Variants in NTF3 observed in about 807,000 individuals in gnomAD.
NTF3 encodes neurotrophin 3, also known as neurotrophin-3.
In NTF3, 8 loss-of-function variants were observed where a neutral mutation model predicts 26.3. That is an observed-to-expected ratio of 0.30 (90% CI 0.18 to 0.55). The LOEUF (loss-of-function observed/expected upper bound fraction) is 0.55, where lower values mean the gene tolerates loss of function less well. Ranked by LOEUF, NTF3 falls within the 20% of genes least tolerant of loss-of-function variation. NTF3 has a pLI of 0.93. For synonymous variants in NTF3, 154 were observed against 145.5 expected (o/e 1.06, Z -0.42); for missense variants, 276 against 352.9 (o/e 0.78, Z 1.75).
At chr12:5,482,378 G>A (rs753240450) in intron 1 of NTF3, among the ~76,000 whole-genome samples, 6 of 152,276 alleles carry the variant, frequency 3.9e-5, no homozygotes, top group East Asian at 1.9e-4. Context: ...CTGAGTGCCC[G>A]TGCCTTCGTC....
At chr12:5,431,988 C>CGCG (rs1940095882), upstream of NTF3, 1 of 149,114 alleles carries the variant, frequency 6.7e-6, no homozygotes, top group African/African-American at 2.5e-5. Flanking sequence ...GGCGCGGGCG[C>CGCG]GCGCGGCGCG....
At chr12:5,483,110 T>C (rs1940827621) in intron 1 of NTF3, among the ~76,000 whole-genome samples, 1 of 151,874 alleles carries the variant, frequency 6.6e-6, no homozygotes, top group African/African-American at 2.4e-5. Flanking sequence ...TCTCCCTCAG[T>C]CTCTCTCTGT....
chr12:5,453,226 A>G lies in NTF3; in HGVS notation c.18+20884A>G, dbSNP rs573788860. Among the ~76,000 whole-genome samples, 3 of 152,200 alleles carry G rather than the reference A, an allele frequency of 2.0e-5. No individual in the cohort carries two copies. In the East Asian group the frequency reaches 5.8e-4, roughly 29 times the overall value. On this transcript the variant is annotated intron_variant, in intron 1 of 1. Coordinates refer to ENST00000423158, the MANE Select transcript of NTF3 (RefSeq NM_001102654.2). ...ACAATGATGAACATTTTTGATACCT[A>G]TTTTCCTATTGTTTTGACTCTCAAA...
intron 1 of NTF3, among the ~76,000 whole-genome samples, chr12:5,452,096 C>CTTTTTTTT (rs56032205): frequency 1.6e-5 from 2 of 127,016 alleles, no homozygotes; most frequent in African/African-American, 5.9e-5. Flanking sequence ...TTTTTCTTTT[C>CTTTTTTTT]TTTTTTTTTT....
At chr12:5,478,963 C>T (rs73259353) in intron 1 of NTF3, among the ~76,000 whole-genome samples, 10,833 of 152,272 alleles carry the variant, frequency 0.071, 523 homozygotes, top group African/African-American at 0.14. Flanking sequence ...TTGCCAAGCC[C>T]GTCAGCACAA....
intron 1 of NTF3, among the ~76,000 whole-genome samples, chr12:5,453,740 T>A (rs985815071): frequency 6.6e-6 from 1 of 152,198 alleles, no homozygotes; most frequent in Admixed American, 6.5e-5. Context: ...AGGGGCCATC[T>A]GTCGTGAAGG....
chr12:5,466,137 G>A (rs1287951785), intron 1 of NTF3, among the ~76,000 whole-genome samples: 1 of 152,170 alleles, frequency 6.6e-6, no homozygotes, highest in Non-Finnish European at 1.5e-5. Flanking sequence ...GCAGCCCTTG[G>A]CACAGTCTTC....
intron 1 of NTF3, among the ~76,000 whole-genome samples, chr12:5,491,716 C>CTTTTTT (rs5796156): frequency 1.2e-4 from 12 of 98,246 alleles, no homozygotes; most frequent in South Asian, 4.2e-4. Context: ...CTCTCCTCTT[C>CTTTTTT]TTTTTTTTTT....
chr12:5,487,913 T>C (rs1940886916), intron 1 of NTF3, among the ~76,000 whole-genome samples: 1 of 152,206 alleles, frequency 6.6e-6, no homozygotes, highest in South Asian at 2.1e-4. Context: ...CTTTAGAGCA[T>C]GTGCGTCAGC....
chr12:5,475,457 A>G (rs1195179835), intron 1 of NTF3, among the ~76,000 whole-genome samples: 1 of 152,168 alleles, frequency 6.6e-6, no homozygotes, highest in African/African-American at 2.4e-5. Context: ...TTATATGACA[A>G]CTATTTTATT....
rs1370579006 is a variant in NTF3, at chr12:5,494,647, C to T, written c.472C>T (p.His158Tyr). The T allele has an allele frequency of 6.2e-7, 1 of 1,614,180 alleles. No homozygotes were observed. The highest frequency in any genetic ancestry group is 1.7e-5 in the Admixed American group (1 of 60,020). The change falls in exon 2 of 2, where the codon CAC (histidine) becomes TAC (tyrosine). Residue 158 changes from histidine (H) to tyrosine (Y), a missense_variant. By Grantham distance (83) the His-to-Tyr change is moderately conservative (BLOSUM62 2). Coordinates refer to ENST00000423158, the MANE Select transcript of NTF3 (RefSeq NM_001102654.2). The surrounding 1 kb of genome is among the most constrained non-coding windows in gnomAD (Gnocchi z 8.3). ...GAAACGGTACGCGGAGCATAAGAGT[C>T]ACCGAGGGGAGTACTCGGTATGTGA... is the stretch of plus-strand genomic sequence containing the variant. ...RRKRYAEHKS[H>Y]RGEYSVCDSE...
chr12:5,453,845 T>C (rs1940404296), intron 1 of NTF3, among the ~76,000 whole-genome samples: 1 of 152,144 alleles, frequency 6.6e-6, no homozygotes, highest in Admixed American at 6.5e-5. Context: ...TGGAGAACTG[T>C]GTAGGGTAGA....
rs557516675 is a variant in NTF3 at position 5,452,119 on chromosome 12, C to T, written c.18+19777C>T. Among the ~76,000 whole-genome samples the T allele has an allele frequency of 8.0e-4, 109 of 135,656 alleles. 1 individual carries two copies. In the East Asian group the frequency reaches 0.021, roughly 26 times the overall value. 89.0% of individuals were successfully genotyped at this position (135,656 alleles called of 152,430 possible). ...TTCTTTTTTTTTTTTTTTTTGTTGA[C>T]GGAGTCTCACTCTCTTGCCGGGCTG... On this transcript the variant is annotated intron_variant, in intron 1 of 1. Coordinates refer to ENST00000423158, the MANE Select transcript of NTF3 (RefSeq NM_001102654.2).
intron 1 of NTF3, among the ~76,000 whole-genome samples, chr12:5,462,295 T>G (rs1187531333): frequency 6.6e-6 from 1 of 152,226 alleles, no homozygotes; most frequent in African/African-American, 2.4e-5. Context: ...ATTACCAATT[T>G]GCCATCTCTA....
At chr12:5,481,924 C>G (rs1463411772) in intron 1 of NTF3, among the ~76,000 whole-genome samples, 1 of 151,618 alleles carries the variant, frequency 6.6e-6, no homozygotes. Context: ...CGGGCTTACA[C>G]AGACACCACA....
At chr12:5,460,793 C>A (rs1259162889) in intron 1 of NTF3, among the ~76,000 whole-genome samples, 3 of 152,188 alleles carry the variant, frequency 2.0e-5, no homozygotes, top group Non-Finnish European at 4.4e-5. Flanking sequence ...CATTTCTTTC[C>A]CTTAATACCA....
At chr12:5,462,538 C>T (rs879490334) in intron 1 of NTF3, among the ~76,000 whole-genome samples, 1 of 152,178 alleles carries the variant, frequency 6.6e-6, no homozygotes, top group Admixed American at 6.5e-5. Context: ...TGTAAGCACC[C>T]AGCAAGTGAT....
chr12:5,459,768 A>C (rs1045714855), intron 1 of NTF3, among the ~76,000 whole-genome samples: 6 of 152,060 alleles, frequency 3.9e-5, no homozygotes, highest in Non-Finnish European at 2.9e-5. Flanking sequence ...GCGTTCCTTC[A>C]ATTGTTTTCT....
intron 1 of NTF3, among the ~76,000 whole-genome samples, chr12:5,472,899 C>A (rs2121213653): frequency 6.6e-6 from 1 of 152,228 alleles, no homozygotes; most frequent in Admixed American, 6.5e-5. Flanking sequence ...ATCCCTAGAG[C>A]CATTATTCAG....
Sources: gnomAD v4.1 joint callset for allele counts (sites outside exome capture counted in the v4.1 genomes callset) on GRCh38, gnomAD v4.1.1 for gene constraint, Gnocchi (gnomAD v3.1) non-coding constraint, MANE v1.5 for transcripts, NCBI Gene and HGNC (gene_info 2026-07-23, HGNC 2026-07-21) for gene names.